MEGF10: variants seen among roughly 807,000 people sequenced by gnomAD.
MEGF10 encodes the protein multiple EGF like domains 10.
MEGF10 carries 86 observed loss-of-function variants against 147.5 expected under a neutral mutation model. The ratio of observed to expected loss-of-function variants is 0.58; its 90% CI spans 0.49 to 0.70. The LOEUF is 0.70. MEGF10 is among the 30% of genes least tolerant of loss of function. The pLI is 0.00. For missense variants in MEGF10, 1,329 were observed against 1,487.3 expected (o/e 0.89, Z 1.75); for synonymous variants, 478 against 525.5 (o/e 0.91, Z 1.24).
At chr5:127,452,292 A>G (rs1423207829) in intron 22 of MEGF10, among the ~76,000 whole-genome samples, 1 of 152,230 alleles carries the variant, frequency 6.6e-6, no homozygotes, top group Non-Finnish European at 1.5e-5. Flanking sequence ...TAAGATTAAA[A>G]TGGGCATTTA....
chr5:127,433,437 G>A lies in MEGF10; in HGVS notation c.1768G>A (p.Gly590Arg), dbSNP rs141190921. 6.2e-7 allele frequency: 1 copy of A among 1,613,936 alleles called. No homozygotes were observed. Among genetic ancestry groups the A allele is most frequent in the Non-Finnish European group, 8.5e-7 (1 of 1,179,968 alleles). Reference protein sequence around the residue: ...NCSLPCYCKNGASCSPDDGIC... With the variant: ...NCSLPCYCKNRASCSPDDGIC... ...CTCCCTGCCCTGCTACTGTAAAAAT[G>A]GGGCTTCATGCTCCCCTGATGATGG... is the stretch of plus-strand genomic sequence containing the variant. Residue 590 changes from glycine to arginine, a missense_variant, in exon 14 of 25, where the codon GGG becomes AGG. Gly to Arg is a moderately radical substitution (Grantham distance 125, BLOSUM62 -2). Transcript: ENST00000503335.
At chr5:127,456,982 A>T in intron 24 of MEGF10, 146 bp from the exon 25 acceptor site, 1 of 852,746 alleles carries the variant, frequency 1.2e-6, no homozygotes, top group Non-Finnish European at 1.7e-6. Context: ...GTATGTGATG[A>T]TTTTTAAAAT....
intron 7 of MEGF10, among the ~76,000 whole-genome samples, chr5:127,400,030 C>T (rs374916044): frequency 1.7e-4 from 26 of 152,182 alleles, no homozygotes; most frequent in East Asian, 9.6e-4. Flanking sequence ...CACAGCCAGA[C>T]CTGGTAGTAG....
the MEGF10 span, among the ~76,000 whole-genome samples, chr5:127,269,015 G>A: frequency 6.6e-6 from 1 of 152,244 alleles, no homozygotes; most frequent in Non-Finnish European, 1.5e-5. Context: ...CAACAGACCT[G>A]CAGCTGAGGG....
intron 8 of MEGF10, 140 bp from the exon 9 acceptor site, chr5:127,410,249 T>C (rs2126951467): frequency 1.4e-6 from 1 of 727,972 alleles, no homozygotes; most frequent in African/African-American, 1.7e-5. Flanking sequence ...TTTTCATCCG[T>C]GTAATGGGAC....
At chr5:127,361,117 T>A (rs746951506) in intron 4 of MEGF10, among the ~76,000 whole-genome samples, 1 of 151,990 alleles carries the variant, frequency 6.6e-6, no homozygotes, top group African/African-American at 2.4e-5. Context: ...TTTTTAGAAT[T>A]GGTATTATTT....
At chr5:127,241,880 A>G in the MEGF10 span, among the ~76,000 whole-genome samples, 3 of 152,146 alleles carry the variant, frequency 2.0e-5, no homozygotes, top group African/African-American at 4.8e-5. Context: ...CCCAAAGGCT[A>G]TAATTTCCCT....
At chr5:127,345,497 G>T (rs778049441) in intron 4 of MEGF10, among the ~76,000 whole-genome samples, 2 of 152,024 alleles carry the variant, frequency 1.3e-5, no homozygotes, top group Non-Finnish European at 2.9e-5. Flanking sequence ...TTCTTAGAAT[G>T]TGATTAGAAA....
chr5:127,414,490 G>A (rs74851581), intron 9 of MEGF10, among the ~76,000 whole-genome samples: 3 of 152,196 alleles, frequency 2.0e-5, no homozygotes, highest in Non-Finnish European at 2.9e-5. Context: ...CACAAACATG[G>A]TGACATTCAT....
chr5:127,305,402 G>T (rs1759966468), intron 1 of MEGF10, among the ~76,000 whole-genome samples: 1 of 152,262 alleles, frequency 6.6e-6, no homozygotes, highest in East Asian at 1.9e-4. Context: ...GCAGAGGCCT[G>T]CCAGTGAGGA....
At chr5:127,410,643 T>G in intron 9 of MEGF10, 42 bp downstream of exon 9, 1 of 1,518,672 alleles carries the variant, frequency 6.6e-7, no homozygotes, top group African/African-American at 1.4e-5. Flanking sequence ...CCTGTGAAAG[T>G]TTTAACCTTG....
chr5:127,278,410 A>T, the MEGF10 span, among the ~76,000 whole-genome samples: 2 of 152,132 alleles, frequency 1.3e-5, no homozygotes, highest in Non-Finnish European at 2.9e-5. Context: ...TAGAAGGAAA[A>T]TATATGATAC....
chr5:127,301,730 T>C (rs1759781294), intron 1 of MEGF10, among the ~76,000 whole-genome samples: 1 of 152,170 alleles, frequency 6.6e-6, no homozygotes, highest in African/African-American at 2.4e-5. Flanking sequence ...AGCATATACT[T>C]CAAAGATTGT....
At chr5:127,377,837 C>A (rs554814324) in intron 5 of MEGF10, among the ~76,000 whole-genome samples, 3 of 152,106 alleles carry the variant, frequency 2.0e-5, no homozygotes, top group Admixed American at 6.5e-5. Flanking sequence ...AGGCCTGTTG[C>A]GCTGTCAGAA....
intron 4 of MEGF10, among the ~76,000 whole-genome samples, chr5:127,364,433 A>G (rs1191625040): frequency 6.6e-6 from 1 of 152,204 alleles, no homozygotes; most frequent in Non-Finnish European, 1.5e-5. Flanking sequence ...GCATTTATTG[A>G]GTTTGATGGA....
chr5:127,277,217 G>A, the MEGF10 span, among the ~76,000 whole-genome samples: 2 of 152,198 alleles, frequency 1.3e-5, no homozygotes, highest in African/African-American at 4.8e-5. Context: ...ATGGCTCCTA[G>A]CTCAGTTCCT....
chr5:127,371,582 A>G (rs1330419708), intron 5 of MEGF10, among the ~76,000 whole-genome samples: 2 of 152,214 alleles, frequency 1.3e-5, no homozygotes, highest in African/African-American at 2.4e-5. Context: ...CAAGAATGCC[A>G]CAGAATAACT....
the MEGF10 span, among the ~76,000 whole-genome samples, chr5:127,263,933 G>T: frequency 0.014 from 2,082 of 152,206 alleles, 55 homozygotes; most frequent in East Asian, 0.086. Context: ...CATTATGACA[G>T]TAATTTAAAA....
At chr5:127,229,603 G>A in the MEGF10 span, 1 of 152,828 alleles carries the variant, frequency 6.5e-6, no homozygotes, top group Non-Finnish European at 1.5e-5. Context: ...CTGCTCGAGG[G>A]GAGGCGAGGC....
Sources: gnomAD v4.1 joint callset for allele counts (sites outside exome capture counted in the v4.1 genomes callset) on GRCh38, gnomAD v4.1.1 for gene constraint, MANE v1.5 for transcripts, NCBI Gene and HGNC (gene_info 2026-07-23, HGNC 2026-07-21) for gene names.